The following DTWD2 variants were observed in gnomAD, a reference collection of about 807,000 sequenced individuals.
DTWD2 encodes tRNA-uridine aminocarboxypropyltransferase 2.
DTWD2 carries 39 observed loss-of-function variants against 31.8 expected under a neutral mutation model. The ratio of observed to expected loss-of-function variants is 1.22; its 90% CI spans 0.95 to 1.60. DTWD2 has a LOEUF of 1.60. DTWD2 is among the 40% of genes most tolerant of loss of function. The probability of loss-of-function intolerance (pLI) is 0.00; values close to 1 mark genes in which losing one functional copy is unlikely to be tolerated. For missense variants in DTWD2, 515 were observed against 381.5 expected (o/e 1.35, Z -2.92); for synonymous variants, 180 against 142.8 (o/e 1.26, Z -1.86).
intron 1 of DTWD2, chr5:118,988,052 T>G (rs1755468034): frequency 1.4e-6 from 1 of 709,010 alleles, no homozygotes; most frequent in African/African-American, 1.7e-5. Context: ...AACTGATGTC[T>G]GCTCATCCCA....
chr5:118,936,773 GA>G (rs1266537650), intron 3 of DTWD2, among the ~76,000 whole-genome samples: 5 of 151,712 alleles, frequency 3.3e-5, no homozygotes, highest in Admixed American at 2.6e-4. Context: ...ATAAAGAGTA[GA>G]AATCAATTAG....
At chr5:118,920,397 A>T (rs948668421) in intron 4 of DTWD2, among the ~76,000 whole-genome samples, 9 of 152,082 alleles carry the variant, frequency 5.9e-5, no homozygotes, top group Non-Finnish European at 1.0e-4. Context: ...AAACTTTTGG[A>T]AGCAAACACA....
intron 4 of DTWD2, among the ~76,000 whole-genome samples, chr5:118,866,090 A>T (rs767349559): frequency 1.3e-5 from 2 of 152,028 alleles, no homozygotes; most frequent in Non-Finnish European, 2.9e-5. Context: ...AAATGCCTTA[A>T]CTTATTCCAT....
chr5:118,943,713 G>C (rs1213831303), intron 2 of DTWD2, among the ~76,000 whole-genome samples: 2 of 152,170 alleles, frequency 1.3e-5, no homozygotes, highest in African/African-American at 4.8e-5. Context: ...ACTCCAGCCT[G>C]GGTGACAGAG....
chr5:118,910,219 C>T (rs1753426653), intron 4 of DTWD2, among the ~76,000 whole-genome samples: 1 of 152,240 alleles, frequency 6.6e-6, no homozygotes, highest in African/African-American at 2.4e-5. Context: ...TTTCTTTTTG[C>T]ATTTTACTAT....
At chr5:118,858,048 T>A (rs1438455579) in intron 4 of DTWD2, among the ~76,000 whole-genome samples, 1 of 152,140 alleles carries the variant, frequency 6.6e-6, no homozygotes, top group Non-Finnish European at 1.5e-5. Context: ...CAGAACTGCC[T>A]AGAAGACACC....
chr5:118,889,741 T>G (rs1752939633), intron 4 of DTWD2, among the ~76,000 whole-genome samples: 1 of 152,104 alleles, frequency 6.6e-6, no homozygotes. Flanking sequence ...AAAACGATAG[T>G]TTTTTCAACA....
At chr5:118,975,574 G>T (rs1755135462) in intron 1 of DTWD2, among the ~76,000 whole-genome samples, 1 of 152,148 alleles carries the variant, frequency 6.6e-6, no homozygotes, top group African/African-American at 2.4e-5. Context: ...CCTTGGTGGT[G>T]AAGAGCTGTG....
chr5:118,891,095 AGAG>A (rs1752969314), intron 4 of DTWD2, among the ~76,000 whole-genome samples: 1 of 152,172 alleles, frequency 6.6e-6, no homozygotes, highest in Non-Finnish European at 1.5e-5. Context: ...ATGCAATGGA[AGAG>A]ATTTTTTACT....
chr5:118,985,517 T>TATATATATACAC (rs1554072595), intron 1 of DTWD2, among the ~76,000 whole-genome samples: 34 of 107,740 alleles, frequency 3.2e-4, no homozygotes, highest in East Asian at 2.3e-3. Flanking sequence ...TATATATATA[T>TATATATATACAC]ACACACACAT....
chr5:118,979,350 AAAC>A (rs1755240537), intron 1 of DTWD2, among the ~76,000 whole-genome samples: 1 of 152,138 alleles, frequency 6.6e-6, no homozygotes, highest in Non-Finnish European at 1.5e-5. Context: ...AAAGGTCAAA[AAAC>A]AACAGATGCT....
At chr5:118,965,462 T>TA (rs1554070904) in intron 1 of DTWD2, among the ~76,000 whole-genome samples, 6 of 152,330 alleles carry the variant, frequency 3.9e-5, no homozygotes, top group African/African-American at 7.2e-5. Context: ...ATGATGATGA[T>TA]GCGGTTTTGT....
At chr5:118,869,405 A>G (rs975323548) in intron 4 of DTWD2, among the ~76,000 whole-genome samples, 2 of 152,146 alleles carry the variant, frequency 1.3e-5, no homozygotes, top group South Asian at 4.1e-4. Context: ...AAATAATACA[A>G]AGATTGAGGA....
intron 4 of DTWD2, among the ~76,000 whole-genome samples, chr5:118,908,523 C>T (rs978602736): frequency 1.3e-5 from 2 of 151,980 alleles, no homozygotes; most frequent in East Asian, 3.9e-4. Flanking sequence ...AATGTCAAAC[C>T]GTGTCTTATA....
At chr5:118,951,053 A>C (rs1580432242) in intron 1 of DTWD2, among the ~76,000 whole-genome samples, 1 of 147,854 alleles carries the variant, frequency 6.8e-6, no homozygotes, top group African/African-American at 2.6e-5. Context: ...ATATTTGATG[A>C]AAAAAAGCCT....
chr5:118,986,921 G>A (rs907373668), intron 1 of DTWD2, among the ~76,000 whole-genome samples: 3 of 152,032 alleles, frequency 2.0e-5, no homozygotes, highest in African/African-American at 7.2e-5. Flanking sequence ...AAATGTTGGG[G>A]AAAATTGTAA....
chr5:118,964,555 TCA>T (rs879910861), intron 1 of DTWD2, among the ~76,000 whole-genome samples: 4,045 of 152,286 alleles, frequency 0.027, 178 homozygotes, highest in Admixed American at 0.12. Context: ...TGCTCCTGCC[TCA>T]GCCTGCCGAA....
intron 4 of DTWD2, among the ~76,000 whole-genome samples, chr5:118,915,665 C>T (rs1401100143): frequency 6.6e-6 from 1 of 152,162 alleles, no homozygotes; most frequent in Non-Finnish European, 1.5e-5. Context: ...TGAGCCACTA[C>T]GCCCGGCCTA....
chr5:118,875,563 G>GA (rs34990814), intron 4 of DTWD2, among the ~76,000 whole-genome samples: 1,612 of 44,426 alleles, frequency 0.036, 49 homozygotes, highest in East Asian at 0.11. Context: ...CCTAGTTTCT[G>GA]AAAAAAAAAA....
Sources: gnomAD v4.1 joint callset for allele counts (sites outside exome capture counted in the v4.1 genomes callset) on GRCh38, gnomAD v4.1.1 for gene constraint, MANE v1.5 for transcripts, NCBI Gene and HGNC (gene_info 2026-07-23, HGNC 2026-07-21) for gene names.